METTL16: variants seen among roughly 807,000 people sequenced by gnomAD.
METTL16 encodes the protein RNA N(6)-adenosine-methyltransferase METTL16.
In METTL16, 19 loss-of-function variants were observed where a neutral mutation model predicts 57.9. The observed-to-expected ratio is 0.33, with a 90% CI of 0.23 to 0.48. METTL16 has a LOEUF of 0.48. METTL16 is among the 20% of genes least tolerant of loss of function. The probability of loss-of-function intolerance (pLI) is 0.99; values close to 1 mark genes in which losing one functional copy is unlikely to be tolerated. For synonymous variants in METTL16, 246 were observed against 255.6 expected (o/e 0.96, Z 0.36); for missense variants, 434 against 691.5 (o/e 0.63, Z 4.18).
At chr17:2,470,234 G>C (rs2151566444) in intron 4 of METTL16, among the ~76,000 whole-genome samples, 1 of 151,872 alleles carries the variant, frequency 6.6e-6, no homozygotes. Context: ...AGGAACACAA[G>C]ACAGCCTTTC....
rs551834398 is a variant in METTL16, at chr17:2,448,981, T to G, written c.729-7422A>C. 1.7e-3 allele frequency among the ~76,000 whole-genome samples: 247 copies of G among 148,186 alleles called. 3 individuals carry two copies. The highest frequency in any genetic ancestry group is 5.7e-3 in the African/African-American group (231 of 40,544). On this transcript the variant is annotated intron_variant, in intron 6 of 9. Coordinates refer to ENST00000263092, the MANE Select transcript of METTL16 (RefSeq NM_024086.4). ...GACAGAGGTTGCAGTGAGCCGAGAT[T>G]GCGCCACTGCACTCCAGCCTAGTGA...
intron 2 of METTL16, among the ~76,000 whole-genome samples, chr17:2,488,115 C>T (rs1432276500): frequency 6.6e-6 from 1 of 151,842 alleles, no homozygotes; most frequent in Non-Finnish European, 1.5e-5. Flanking sequence ...AAAACAGGAC[C>T]TCAAAAAGAT....
chr17:2,466,202 A>G (rs868714381), intron 5 of METTL16, among the ~76,000 whole-genome samples: 1 of 151,408 alleles, frequency 6.6e-6, no homozygotes, highest in Non-Finnish European at 1.5e-5. Flanking sequence ...ACAAAAAAAA[A>G]AAAAAAAAAA....
intron 6 of METTL16, among the ~76,000 whole-genome samples, chr17:2,447,750 A>T (rs1408916898): frequency 9.6e-6 from 1 of 104,134 alleles, no homozygotes; most frequent in Non-Finnish European, 1.9e-5. Context: ...TCCGGGAGGG[A>T]GGTGGGGGGA....
At position 2,420,636 on chromosome 17, in the gene METTL16, T is replaced by A. The variant is rs770803988; in HGVS notation, c.1063-40A>T. 1 of 1,572,648 alleles carries A rather than the reference T, an allele frequency of 6.4e-7. No individual in the cohort carries two copies. Among genetic ancestry groups the A allele is most frequent in the South Asian group, 1.2e-5 (1 of 84,184 alleles). ...AACAGAATTTTGTGGGAAATCACGT[T>A]TCCCCTCTCTCCAAACTCTCAATAA... On this transcript the variant is annotated intron_variant, in intron 9 of 9. Coordinates refer to ENST00000263092, the MANE Select transcript of METTL16 (RefSeq NM_024086.4). The surrounding 1 kb of genome is among the most constrained non-coding windows in gnomAD (Gnocchi z 5.4).
At chr17:2,488,422 T>C (rs929140365) in intron 2 of METTL16, among the ~76,000 whole-genome samples, 2 of 151,860 alleles carry the variant, frequency 1.3e-5, no homozygotes, top group Non-Finnish European at 2.9e-5. Flanking sequence ...CCAGGCTTGG[T>C]GGTGGGCGCT....
intron 2 of METTL16, among the ~76,000 whole-genome samples, chr17:2,488,191 T>A (rs1356951661): frequency 1.3e-5 from 2 of 151,992 alleles, no homozygotes; most frequent in African/African-American, 2.4e-5. Flanking sequence ...AACCTAAAGG[T>A]CCACTGACAG....
rs1457352411 is a variant in METTL16 at position 2,429,129 on chromosome 17, A to AT, written c.889-8226dup. On this transcript the variant is annotated intron_variant, in intron 8 of 9. Transcript: ENST00000263092. ...CGCTTCGGCCTCCCAAAGCGCTGGG[A>AT]TTACAGGCATGAGCCACCGTGCCCA... Among the ~76,000 whole-genome samples, 8 of 151,386 alleles carry AT rather than the reference A, an allele frequency of 5.3e-5. No homozygotes were observed. In the South Asian group the frequency reaches 1.7e-3, roughly 32 times the overall value.
At chr17:2,463,430 A>G (rs1220630399) in intron 6 of METTL16, among the ~76,000 whole-genome samples, 1 of 152,204 alleles carries the variant, frequency 6.6e-6, no homozygotes, top group Non-Finnish European at 1.5e-5. Context: ...CGCAGATTGT[A>G]GGAGCCACTA....
intron 2 of METTL16, among the ~76,000 whole-genome samples, chr17:2,493,378 A>G (rs1173119238): frequency 2.0e-5 from 3 of 149,394 alleles, no homozygotes; most frequent in African/African-American, 4.9e-5. Context: ...CAGCCACCAC[A>G]CCCAGCCCAG....
chr17:2,467,075 G>A (rs2067203896), intron 5 of METTL16, among the ~76,000 whole-genome samples: 1 of 152,112 alleles, frequency 6.6e-6, no homozygotes, highest in Admixed American at 6.5e-5. Context: ...AAAGTACTGG[G>A]ATTACAAGTG....
In METTL16 at chr17:2,444,474, T is replaced by C. The variant is rs2066979490; in HGVS notation, c.729-2915A>G. ...CAAAATAAAATAAAGTAAAATAAAA[T>C]AAAATAAAATGAAGTTGAAAAATTC... On this transcript the variant is annotated intron_variant, in intron 6 of 9. Coordinates refer to ENST00000263092, the MANE Select transcript of METTL16 (RefSeq NM_024086.4). Among the ~76,000 whole-genome samples the C allele has an allele frequency of 3.9e-5, 6 of 152,040 alleles. 1 individual carries two copies. In the South Asian group the frequency reaches 1.2e-3, roughly 32 times the overall value.
At chr17:2,497,704 C>T (rs1158286453) in intron 2 of METTL16, among the ~76,000 whole-genome samples, 3 of 151,440 alleles carry the variant, frequency 2.0e-5, no homozygotes, top group African/African-American at 7.3e-5. Flanking sequence ...GTTGTAAAAA[C>T]ACATCTGTTA....
At chr17:2,473,049 CTG>C (rs942076437) in intron 4 of METTL16, among the ~76,000 whole-genome samples, 1 of 152,060 alleles carries the variant, frequency 6.6e-6, no homozygotes, top group African/African-American at 2.4e-5. Flanking sequence ...ATATCCCACT[CTG>C]TTGGGGGATG....
intron 6 of METTL16, among the ~76,000 whole-genome samples, chr17:2,445,445 C>T (rs1168037556): frequency 6.6e-6 from 1 of 152,080 alleles, no homozygotes; most frequent in East Asian, 1.9e-4. Flanking sequence ...CTTGTACCCC[C>T]CAAAAAATAC....
intron 8 of METTL16, among the ~76,000 whole-genome samples, chr17:2,430,886 G>A (rs900747041): frequency 6.6e-6 from 1 of 151,720 alleles, no homozygotes; most frequent in African/African-American, 2.4e-5. Flanking sequence ...ATCACCATGG[G>A]TTGTACCTGT....
At chr17:2,434,275 T>G (rs747122825) in intron 8 of METTL16, among the ~76,000 whole-genome samples, 1 of 152,202 alleles carries the variant, frequency 6.6e-6, no homozygotes, top group Non-Finnish European at 1.5e-5. Flanking sequence ...CTCGGCTCAC[T>G]GTAACCTCCG....
chr17:2,491,179 C>T (rs1185249742), intron 2 of METTL16, among the ~76,000 whole-genome samples: 1 of 152,154 alleles, frequency 6.6e-6, no homozygotes, highest in East Asian at 1.9e-4. Context: ...TTTCAGAGAT[C>T]ACAGGGAGGC....
intron 6 of METTL16, among the ~76,000 whole-genome samples, chr17:2,449,174 G>T (rs1597449695): frequency 6.6e-6 from 1 of 152,146 alleles, no homozygotes; most frequent in Non-Finnish European, 1.5e-5. Flanking sequence ...CGTATAATGT[G>T]TGTAAAGGTG....
Sources: allele counts gnomAD v4.1 joint callset (sites outside exome capture counted in the v4.1 genomes callset), GRCh38; gene constraint gnomAD v4.1.1; non-coding constraint Gnocchi (gnomAD v3.1); transcripts MANE v1.5; gene names NCBI Gene and HGNC (gene_info 2026-07-23, HGNC 2026-07-21).